Variants in PRH1 observed in about 807,000 individuals in gnomAD.
The protein encoded by PRH1 is salivary acidic proline-rich phosphoprotein 1/2.
PRH1 carries 7 observed loss-of-function variants against 7.9 expected under a neutral mutation model. That is an observed-to-expected ratio of 0.89 (90% CI 0.50 to 1.67). PRH1 has a LOEUF of 1.67. Among genes scored for constraint, PRH1 ranks in the 40% most tolerant of loss-of-function variants. PRH1 has a pLI of 0.00. For synonymous variants in PRH1, 45 were observed against 80.8 expected (o/e 0.56, Z 2.38); for missense variants, 109 against 223.6 (o/e 0.49, Z 3.27).
At position 10,881,276 on chromosome 12, in the gene PRH1, G is replaced by T. The variant is rs111287924; in HGVS notation, c.*19-220C>A. ...TAAAGTGTTGCTTAGATGAGAAAGAGAAACAATTATTGTTATGTGTTCATG... is the reference window on the plus strand; with the variant it reads ...TAAAGTGTTGCTTAGATGAGAAAGATAAACAATTATTGTTATGTGTTCATG... On this transcript the variant is annotated intron_variant, in intron 3 of 3. Coordinates refer to ENST00000543626, the MANE Select transcript of PRH1 (RefSeq NM_001393989.1). 4.8e-3 allele frequency among the ~76,000 whole-genome samples: 724 copies of T among 152,314 alleles called. 8 individuals are homozygous for T. Among genetic ancestry groups the T allele is most frequent in the African/African-American group, 0.017 (694 of 41,558 alleles).
At chr12:11,071,505 T>C (rs1944068322) in intron 1 of PRH1, among the ~76,000 whole-genome samples, 1 of 152,174 alleles carries the variant, frequency 6.6e-6, no homozygotes, top group Non-Finnish European at 1.5e-5. Context: ...CAAAGGAATG[T>C]AGAGTAGTTT....
chr12:11,079,531 A>T (rs73062962), intron 1 of PRH1, among the ~76,000 whole-genome samples: 10,591 of 59,470 alleles, frequency 0.18, 694 homozygotes, highest in Non-Finnish European at 0.25. Flanking sequence ...ATTCAAAGAC[A>T]TATGAGACAC....
chr12:11,163,162 C>A (rs1947467911), intron 1 of PRH1, among the ~76,000 whole-genome samples: 1 of 151,354 alleles, frequency 6.6e-6, no homozygotes, highest in Non-Finnish European at 1.5e-5. Flanking sequence ...TAGCATGGCC[C>A]CTTCCATATC....
At chr12:10,950,528 C>T (rs528220348) in intron 2 of PRH1, among the ~76,000 whole-genome samples, 1 of 151,726 alleles carries the variant, frequency 6.6e-6, no homozygotes, top group East Asian at 1.9e-4. Flanking sequence ...ATTTCATATA[C>T]ATTTCTTAAG....
At chr12:10,902,237 G>A (rs1159026039) in intron 2 of PRH1, among the ~76,000 whole-genome samples, 2 of 151,806 alleles carry the variant, frequency 1.3e-5, no homozygotes, top group Non-Finnish European at 2.9e-5. Context: ...TTCATATAAA[G>A]TACAATCTCT....
At chr12:10,890,713 C>T (rs1029847658) in intron 2 of PRH1, among the ~76,000 whole-genome samples, 1 of 146,244 alleles carries the variant, frequency 6.8e-6, no homozygotes, top group African/African-American at 2.5e-5. Context: ...TCTGTCTTTA[C>T]AAAACACTAA....
chr12:11,005,648 C>T (rs902642748), intron 1 of PRH1, among the ~76,000 whole-genome samples: 24 of 152,062 alleles, frequency 1.6e-4, no homozygotes, highest in African/African-American at 5.1e-4. Flanking sequence ...CATGCATACA[C>T]GCCCCTCATG....
intron 1 of PRH1, among the ~76,000 whole-genome samples, chr12:11,150,110 C>G (rs955114650): frequency 1.3e-5 from 2 of 151,292 alleles, no homozygotes; most frequent in African/African-American, 4.9e-5. Flanking sequence ...CAAATCAAAA[C>G]CACAGTGAGA....
At chr12:10,991,546 T>C (rs1414132252) in intron 1 of PRH1, among the ~76,000 whole-genome samples, 1 of 151,964 alleles carries the variant, frequency 6.6e-6, no homozygotes, top group Non-Finnish European at 1.5e-5. Flanking sequence ...AACTTTGACA[T>C]TTGAAAAAAA....
At chr12:11,064,647 CA>C in intron 1 of PRH1, among the ~76,000 whole-genome samples, 1 of 152,218 alleles carries the variant, frequency 6.6e-6, no homozygotes, top group Middle Eastern at 3.4e-3. Context: ...TGTATCTTAT[CA>C]ATTATATAAT....
In PRH1 at chr12:11,094,521, G is replaced by A. The variant is rs189865938; in HGVS notation, n.124-47333C>T. On this transcript the variant is annotated intron_variant and non_coding_transcript_variant, in intron 1 of 4. Coordinates refer to the PRH1 transcript ENST00000541977. ...ATGGCAAAGGTTTGTCCTGTGAGATGGATAATTAAGGCTAGAAGAAATCCT... is the reference window on the plus strand; with the variant it reads ...ATGGCAAAGGTTTGTCCTGTGAGATAGATAATTAAGGCTAGAAGAAATCCT... 3.5e-5 allele frequency among the ~76,000 whole-genome samples: 4 copies of A among 113,064 alleles called. 1 individual carries two copies. The highest frequency in any genetic ancestry group is 1.2e-4 in the African/African-American group (4 of 33,670). 74.2% of individuals were successfully genotyped at this position (113,064 alleles called of 152,430 possible).
intron 1 of PRH1, among the ~76,000 whole-genome samples, chr12:11,031,780 T>C (rs1004329031): frequency 1.3e-5 from 2 of 152,208 alleles, no homozygotes; most frequent in African/African-American, 4.8e-5. Context: ...GTGCACTGTT[T>C]GGTGCATTTT....
intron 1 of PRH1, among the ~76,000 whole-genome samples, chr12:11,058,834 C>T (rs1943471665): frequency 6.6e-6 from 1 of 152,190 alleles, no homozygotes. Context: ...AAGTCATATG[C>T]TCATAAAGCC....
At chr12:11,033,158 A>G (rs1218541296) in intron 1 of PRH1, among the ~76,000 whole-genome samples, 2 of 152,110 alleles carry the variant, frequency 1.3e-5, no homozygotes, top group African/African-American at 4.8e-5. Context: ...TACGAGGTCA[A>G]GAGATGGAGA....
intron 2 of PRH1, chr12:10,931,303 CT>C: frequency 1.0e-6 from 1 of 968,486 alleles, no homozygotes. Context: ...CAAATTACCT[CT>C]CTTAAATAGG....
chr12:10,912,573 T>C (rs1010640285), intron 2 of PRH1, among the ~76,000 whole-genome samples: 16 of 152,118 alleles, frequency 1.1e-4, no homozygotes, highest in Non-Finnish European at 2.9e-5. Context: ...TAATTTCATC[T>C]CTTATATTGT....
chr12:10,991,986 A>G (rs2135995375), intron 1 of PRH1, among the ~76,000 whole-genome samples: 1 of 152,314 alleles, frequency 6.6e-6, no homozygotes, highest in Middle Eastern at 3.4e-3. Context: ...TGATGGACCG[A>G]TAGTTGAAGA....
intron 1 of PRH1, among the ~76,000 whole-genome samples, chr12:11,151,994 C>T (rs2136429320): frequency 6.6e-6 from 1 of 151,706 alleles, no homozygotes; most frequent in African/African-American, 2.4e-5. Flanking sequence ...AGCAATAATA[C>T]ATAGGTATTA....
At chr12:10,964,933 C>G in intron 2 of PRH1, 1 of 602,946 alleles carries the variant, frequency 1.7e-6, no homozygotes, top group South Asian at 1.7e-5. Flanking sequence ...GATGACAAAC[C>G]AAAAATAACA....
Sources: allele counts gnomAD v4.1 joint callset (sites outside exome capture counted in the v4.1 genomes callset), GRCh38; gene constraint gnomAD v4.1.1; transcripts MANE v1.5; gene names NCBI Gene and HGNC (gene_info 2026-07-23, HGNC 2026-07-21).